GARIN5A: variants seen among roughly 807,000 people sequenced by gnomAD.
The protein encoded by GARIN5A is golgi associated RAB2 interactor 5A, also known as Golgi-associated RAB2 interactor protein 5A.
the GARIN5A span, among the ~76,000 whole-genome samples, chr19:50,474,063 A>G: frequency 6.6e-6 from 1 of 152,182 alleles, no homozygotes; most frequent in African/African-American, 2.4e-5. Flanking sequence ...TTGTAGCTGG[A>G]GTTGGGGCAG....
At chr19:50,474,128 C>G in the GARIN5A span, among the ~76,000 whole-genome samples, 1 of 152,048 alleles carries the variant, frequency 6.6e-6, no homozygotes, top group Admixed American at 6.6e-5. Flanking sequence ...TGCTTGTTTT[C>G]TCGTTTGTTT....
At chr19:50,467,696 C>A in the GARIN5A span, 2 of 1,593,486 alleles carry the variant, frequency 1.3e-6, no homozygotes, top group Non-Finnish European at 1.7e-6. Context: ...ACCCACTGGC[C>A]GAACTCTCGG....
At chr19:50,472,079 C>T in the GARIN5A span, among the ~76,000 whole-genome samples, 6 of 98,344 alleles carry the variant, frequency 6.1e-5, no homozygotes, top group African/African-American at 1.1e-4. Flanking sequence ...TGTATATATA[C>T]ATGTGTGTAT....
chr19:50,475,622 T>C, the GARIN5A span: 1 of 735,940 alleles, frequency 1.4e-6, no homozygotes, highest in East Asian at 2.7e-5. Context: ...CATATGGGTG[T>C]GAAGTCAGGG....
the GARIN5A span, chr19:50,475,746 G>T: frequency 1.0e-6 from 1 of 970,672 alleles, no homozygotes; most frequent in East Asian, 2.5e-5. Context: ...CGAGATGGAC[G>T]TTATGGGGGA....
At chr19:50,471,622 ATGTGTGTATACATG>A in the GARIN5A span, among the ~76,000 whole-genome samples, 4 of 151,990 alleles carry the variant, frequency 2.6e-5, no homozygotes, top group Non-Finnish European at 4.4e-5. Context: ...GTGTATATAT[ATGTGTGTATACATG>A]TGTGTATATA....
chr19:50,472,029 TGTAC>T, the GARIN5A span, among the ~76,000 whole-genome samples: 1 of 141,466 alleles, frequency 7.1e-6, no homozygotes, highest in Non-Finnish European at 1.5e-5. Flanking sequence ...TATATGTATA[TGTAC>T]GTGTGTGTAT....
the GARIN5A span, among the ~76,000 whole-genome samples, chr19:50,473,172 C>T: frequency 1.3e-5 from 2 of 152,132 alleles, no homozygotes; most frequent in Admixed American, 1.3e-4. Context: ...AGGTCAAAAT[C>T]TGATTTGGCC....
the GARIN5A span, chr19:50,475,283 G>C: frequency 3.1e-5 from 47 of 1,537,806 alleles, no homozygotes; most frequent in South Asian, 5.6e-4. Flanking sequence ...GGTGCCTGGA[G>C]CTGAGGGAGG....
At chr19:50,467,634 C>T in the GARIN5A span, 28 of 1,564,042 alleles carry the variant, frequency 1.8e-5, no homozygotes, top group South Asian at 2.4e-5. Flanking sequence ...CTTACTCCTG[C>T]GTGAAGGGCA....
At chr19:50,476,120 CCT>C in the GARIN5A span, 2 of 1,612,768 alleles carry the variant, frequency 1.2e-6, no homozygotes, top group African/African-American at 1.3e-5. Flanking sequence ...GCCTGGCTCC[CCT>C]CTCTCACCTG....
the GARIN5A span, chr19:50,476,101 C>A: frequency 6.2e-6 from 10 of 1,611,672 alleles, no homozygotes; most frequent in Admixed American, 5.0e-5. Context: ...CCAGGTCCAA[C>A]CCCTCTAGGC....
the GARIN5A span, among the ~76,000 whole-genome samples, chr19:50,472,118 GTATA>G: frequency 1.7e-4 from 25 of 150,676 alleles, no homozygotes; most frequent in Admixed American, 3.3e-4. Context: ...GTGTGTATAT[GTATA>G]TATACGTGTG....
the GARIN5A span, among the ~76,000 whole-genome samples, chr19:50,470,657 G>GTTTTT: frequency 9.5e-4 from 127 of 133,962 alleles, no homozygotes; most frequent in African/African-American, 3.4e-3. Context: ...GGCTACTGCT[G>GTTTTT]TTTTTTTTTT....
the GARIN5A span, among the ~76,000 whole-genome samples, chr19:50,472,973 C>T: frequency 1.1e-4 from 17 of 151,666 alleles, no homozygotes; most frequent in Admixed American, 3.9e-4. Context: ...ACTTGAGGCC[C>T]GGAGTTCAAG....
chr19:50,469,089 CA>C, the GARIN5A span, among the ~76,000 whole-genome samples: 1 of 152,140 alleles, frequency 6.6e-6, no homozygotes, highest in Non-Finnish European at 1.5e-5. Flanking sequence ...TCTGGCTCAA[CA>C]GGAATAAACA....
At chr19:50,475,751 G>C in the GARIN5A span, 1,477 of 1,004,610 alleles carry the variant, frequency 1.5e-3, 15 homozygotes, top group African/African-American at 0.021. Flanking sequence ...TGGACGTTAT[G>C]GGGGAGCAGG....
At chr19:50,476,430 G>A in the GARIN5A span, 2 of 1,548,706 alleles carry the variant, frequency 1.3e-6, no homozygotes, top group Non-Finnish European at 1.7e-6. Flanking sequence ...GTGCCAGTGC[G>A]CAGGTGCCGG....
the GARIN5A span, among the ~76,000 whole-genome samples, chr19:50,475,127 G>T: frequency 6.6e-6 from 1 of 152,202 alleles, no homozygotes; most frequent in African/African-American, 2.4e-5. Context: ...TCCCCTTCAG[G>T]TCTGTCTAAT....
Sources: allele counts gnomAD v4.1 joint callset (sites outside exome capture counted in the v4.1 genomes callset), GRCh38; gene constraint gnomAD v4.1.1; transcripts MANE v1.5; gene names NCBI Gene and HGNC (gene_info 2026-07-23, HGNC 2026-07-21).